ARFGEF1: variants seen among roughly 807,000 people sequenced by gnomAD.
ARFGEF1 encodes ARF guanine nucleotide exchange factor 1.
Under a neutral mutation model 231.0 loss-of-function variants are expected in ARFGEF1, and 42 were observed. That is an observed-to-expected ratio of 0.18 (90% CI 0.14 to 0.24). The LOEUF is 0.24. Ranked by LOEUF, ARFGEF1 falls within the 10% of genes least tolerant of loss-of-function variation. ARFGEF1 has a pLI of 1.00. For missense variants in ARFGEF1, 1,345 were observed against 2,192.0 expected, an observed-to-expected ratio of 0.61 and a Z score of 7.72; for synonymous variants, 710 against 732.3, an observed-to-expected ratio of 0.97 and a Z score of 0.49.
intron 5 of ARFGEF1, chr8:67,180,026 A>T: frequency 2.0e-6 from 1 of 493,196 alleles, no homozygotes; most frequent in Non-Finnish European, 3.5e-6. Flanking sequence ...AAGGTAGTAA[A>T]AAAAAAAAAA....
intron 34 of ARFGEF1, among the ~76,000 whole-genome samples, chr8:67,207,962 C>T (rs539035941): frequency 6.6e-6 from 1 of 152,288 alleles, no homozygotes; most frequent in African/African-American, 2.4e-5. Flanking sequence ...AAAAAGTAGC[C>T]AAGTGCACAC....
chr8:67,262,320 G>A (rs946402601), intron 14 of ARFGEF1, among the ~76,000 whole-genome samples: 2 of 152,128 alleles, frequency 1.3e-5, no homozygotes, highest in Admixed American at 1.3e-4. Context: ...GAAGTAAAGT[G>A]TGAAGATGAC....
intron 17 of ARFGEF1, 89 bp from the exon 18 acceptor site, chr8:67,253,711 T>A: frequency 1.4e-6 from 1 of 696,928 alleles, no homozygotes; most frequent in African/African-American, 1.9e-5. Flanking sequence ...ATAAGAGATT[T>A]TGTAAATACT....
intron 19 of ARFGEF1, among the ~76,000 whole-genome samples, chr8:67,243,892 A>C (rs1276586444): frequency 6.6e-6 from 1 of 152,136 alleles, no homozygotes; most frequent in African/African-American, 2.4e-5. Flanking sequence ...ATTCCATCAG[A>C]TAAATTTTTA....
At chr8:67,212,728 T>C (rs1838794082) in intron 33 of ARFGEF1, among the ~76,000 whole-genome samples, 1 of 151,476 alleles carries the variant, frequency 6.6e-6, no homozygotes, top group Non-Finnish European at 1.5e-5. Flanking sequence ...GAAATAGTAA[T>C]AATCAAAACA....
intron 19 of ARFGEF1, among the ~76,000 whole-genome samples, chr8:67,249,810 T>C (rs892780584): frequency 1.3e-5 from 2 of 152,068 alleles, no homozygotes; most frequent in African/African-American, 2.4e-5. Flanking sequence ...TTAGTAGAGA[T>C]GGGGTTTCAC....
chr8:67,268,836 A>G (rs1226803581), intron 10 of ARFGEF1, among the ~76,000 whole-genome samples: 1 of 152,258 alleles, frequency 6.6e-6, no homozygotes, highest in East Asian at 1.9e-4. Context: ...CTGCCTGCTT[A>G]ATAAATAGAA....
chr8:67,294,595 A>AT (rs925916702), intron 5 of ARFGEF1, among the ~76,000 whole-genome samples: 10 of 152,192 alleles, frequency 6.6e-5, no homozygotes, highest in Non-Finnish European at 1.5e-4. Flanking sequence ...TACAAAAGCC[A>AT]TATTTCTCAT....
intron 14 of ARFGEF1, among the ~76,000 whole-genome samples, chr8:67,262,091 T>G (rs959682976): frequency 6.6e-6 from 1 of 152,204 alleles, no homozygotes; most frequent in Non-Finnish European, 1.5e-5. Context: ...AGAGAGATAC[T>G]TCTGTTGAAT....
At chr8:67,262,245 T>C (rs1443335886) in intron 14 of ARFGEF1, among the ~76,000 whole-genome samples, 1 of 152,176 alleles carries the variant, frequency 6.6e-6, no homozygotes, top group Non-Finnish European at 1.5e-5. Context: ...ATGGACGATT[T>C]TCAGGAGTCC....
At chr8:67,241,532 T>G (rs1383546947) in intron 19 of ARFGEF1, among the ~76,000 whole-genome samples, 1 of 152,080 alleles carries the variant, frequency 6.6e-6, no homozygotes, top group African/African-American at 2.4e-5. Context: ...CCTATCAAAT[T>G]ACAACTAAAT....
intron 5 of ARFGEF1, among the ~76,000 whole-genome samples, chr8:67,186,435 AG>A (rs1200656599): frequency 3.8e-4 from 54 of 140,672 alleles, no homozygotes; most frequent in African/African-American, 1.3e-3. Context: ...AAAAAAAAAA[AG>A]TCCAAGAATA....
intron 1 of ARFGEF1, among the ~76,000 whole-genome samples, chr8:67,335,907 G>A (rs1435469789): frequency 6.6e-6 from 1 of 152,000 alleles, no homozygotes; most frequent in South Asian, 2.1e-4. Context: ...CTGCCACCAC[G>A]CCCGGCTAAC....
chr8:67,322,733 C>A (rs1009904137), intron 1 of ARFGEF1, among the ~76,000 whole-genome samples: 1 of 152,080 alleles, frequency 6.6e-6, no homozygotes, highest in Non-Finnish European at 1.5e-5. Flanking sequence ...CTGTCTTTAC[C>A]GAAAAGTCTT....
rs1839093558 is a variant in ARFGEF1 at position 67,220,029 on chromosome 8, A to G, written c.4209-469T>C. On this transcript the variant is annotated intron_variant, in intron 29 of 38. Transcript: ENST00000262215. ...TATTCATGCAACATCCCTAAACAAA[A>G]GGATTTACAAAAAAAAGCCACTAAG... 1.3e-5 allele frequency among the ~76,000 whole-genome samples: 2 copies of G among 152,180 alleles called. 1 individual carries two copies. Among genetic ancestry groups the G allele is most frequent in the South Asian group, 4.1e-4 (2 of 4,824 alleles).
At position 67,211,366 on chromosome 8, in the gene ARFGEF1, G is replaced by A. The variant is rs200712127; in HGVS notation, c.4819+117C>T. 2,402 of 341,318 alleles carry A rather than the reference G, an allele frequency of 7.0e-3. 54 individuals are homozygous for A. The highest frequency in any genetic ancestry group is 0.057 in the African/African-American group (2,049 of 36,062). 21.1% of individuals were successfully genotyped at this position (341,318 alleles called of 1,614,324 possible). ...GTCTCAAAAAAAAAAAAAAAAAAAA[G>A]AAGTGATGACACAATCAATTATAGT... On this transcript the variant is annotated intron_variant, in intron 34 of 38. Coordinates refer to ENST00000262215, the MANE Select transcript of ARFGEF1 (RefSeq NM_006421.5).
intron 22 of ARFGEF1, among the ~76,000 whole-genome samples, chr8:67,236,365 A>AATATATATATAT (rs34297561): frequency 6.9e-5 from 2 of 29,064 alleles, no homozygotes; most frequent in South Asian, 3.5e-3. Flanking sequence ...AAAAAAAAAA[A>AATATATATATAT]ATATATATAT....
chr8:67,183,551 C>G (rs1399624067), intron 5 of ARFGEF1, among the ~76,000 whole-genome samples: 1 of 152,060 alleles, frequency 6.6e-6, no homozygotes, highest in African/African-American at 2.4e-5. Context: ...CTAAATAACG[C>G]ATAGGTCAGA....
Position 67,238,389 on chromosome 8 carries a change from A to C in ARFGEF1, c.3243T>G (p.Thr1081=). The C allele has an allele frequency of 6.2e-7, 1 of 1,613,466 alleles. No individual in the cohort carries two copies. Among genetic ancestry groups the C allele is most frequent in the Non-Finnish European group, 8.5e-7 (1 of 1,179,806 alleles). Residue 1081 remains threonine (T), a synonymous_variant, in exon 22 of 39, where the codon ACT becomes ACG. Transcript: ENST00000262215. The part of the protein sequence containing the change: ...GTVRGREGSL[T]GTKDQAPDEF... ...CATCAGGAGCCTGATCTTTTGTTCC[A>C]GTAAGAGATCCTTCTCTGCCTCGCA...
Sources: gnomAD v4.1 joint callset for allele counts (sites outside exome capture counted in the v4.1 genomes callset) on GRCh38, gnomAD v4.1.1 for gene constraint, MANE v1.5 for transcripts, NCBI Gene and HGNC (gene_info 2026-07-23, HGNC 2026-07-21) for gene names.